The following GNPNAT1 variants were observed in gnomAD, a reference collection of about 807,000 sequenced individuals.
The protein encoded by GNPNAT1 is glucosamine 6-phosphate N-acetyltransferase.
In GNPNAT1, 11 loss-of-function variants were observed where a neutral mutation model predicts 19.8. That is an observed-to-expected ratio of 0.56 (90% CI 0.35 to 0.92). The LOEUF (loss-of-function observed/expected upper bound fraction) is 0.92, where lower values mean the gene tolerates loss of function less well. Ranked by LOEUF, GNPNAT1 falls within the 40% of genes least tolerant of loss-of-function variation. The pLI is 0.01. For missense variants in GNPNAT1, 157 were observed against 211.0 expected, an observed-to-expected ratio of 0.74 and a Z score of 1.59; for synonymous variants, 71 against 72.3, an observed-to-expected ratio of 0.98 and a Z score of 0.09.
chr14:52,786,376 C>T (rs2139971567), intron 1 of GNPNAT1, among the ~76,000 whole-genome samples: 1 of 151,844 alleles, frequency 6.6e-6, no homozygotes, highest in Middle Eastern at 3.4e-3. Flanking sequence ...TGGTGGTGGC[C>T]ACCTGTAATC....
intron 1 of GNPNAT1, among the ~76,000 whole-genome samples, chr14:52,787,279 AC>A (rs1883045238): frequency 6.6e-6 from 1 of 152,104 alleles, no homozygotes; most frequent in South Asian, 2.1e-4. Flanking sequence ...AATATTCTTA[AC>A]TTTTCCTTAA....
In GNPNAT1 at chr14:52,778,461, G is replaced by C; in HGVS notation, c.408-3C>G. On this transcript the variant is annotated splice_polypyrimidine_tract_variant and splice_region_variant and intron_variant, in intron 5 of 5. Coordinates refer to ENST00000216410, the MANE Select transcript of GNPNAT1 (RefSeq NM_198066.4). ...GCAAAGTAAGGGTTGATAATAACCT[G>C]AAATTTAAAAAGGGGGTAGGGTGAG... 6.2e-7 allele frequency: 1 copy of C among 1,600,724 alleles called. No homozygotes were observed. The highest frequency in any genetic ancestry group is 8.5e-7 in the Non-Finnish European group (1 of 1,175,474).
At chr14:52,781,508 GT>G (rs897953093) in intron 4 of GNPNAT1, among the ~76,000 whole-genome samples, 1 of 151,816 alleles carries the variant, frequency 6.6e-6, no homozygotes, top group Non-Finnish European at 1.5e-5. Flanking sequence ...ATTCAGAGTT[GT>G]TTTTTTTAAA....
chr14:52,780,865 T>A, intron 4 of GNPNAT1, 125 bp from the exon 5 acceptor site: 7 of 600,510 alleles, frequency 1.2e-5, no homozygotes, highest in African/African-American at 3.7e-5. Context: ...AGAAATCAAA[T>A]GCAAAAAATA....
rs1264405718 is a variant in GNPNAT1, at chr14:52,777,062, A to T, written c.*1249T>A. The T allele has an allele frequency of 6.6e-6, 1 of 152,256 alleles. No individual in the cohort carries two copies. The highest frequency in any genetic ancestry group is 1.9e-4 in the East Asian group (1 of 5,196). The allele number at this position is 152,256 out of a possible 1,614,324, so 9.4% of individuals were successfully genotyped here. Reference sequence around the variant, plus strand: ...GGATTTCTGTTGTTTTGGAAAGCCAACTATAGCTGGCTGCATGGAGGGAAA... The same window carrying T: ...GGATTTCTGTTGTTTTGGAAAGCCATCTATAGCTGGCTGCATGGAGGGAAA... On this transcript the variant is annotated 3_prime_UTR_variant, in exon 6 of 6. Coordinates refer to ENST00000216410, the MANE Select transcript of GNPNAT1 (RefSeq NM_198066.4).
chr14:52,785,072 C>G (rs944207209), intron 1 of GNPNAT1, among the ~76,000 whole-genome samples: 2 of 151,730 alleles, frequency 1.3e-5, no homozygotes, highest in Non-Finnish European at 2.9e-5. Flanking sequence ...ATTATAGGCA[C>G]GTGACACCAC....
chr14:52,781,366 CTTTT>C (rs1555361341), intron 4 of GNPNAT1, among the ~76,000 whole-genome samples: 1 of 152,010 alleles, frequency 6.6e-6, no homozygotes, highest in Non-Finnish European at 1.5e-5. Flanking sequence ...TTCTCTCCCT[CTTTT>C]TTTATTTACT....
At chr14:52,788,919 A>G (rs1055804659) in intron 1 of GNPNAT1, among the ~76,000 whole-genome samples, 2 of 152,244 alleles carry the variant, frequency 1.3e-5, no homozygotes, top group African/African-American at 4.8e-5. Flanking sequence ...CTTTTCTTTG[A>G]TGAGACAGTC....
rs961981989 is a variant in GNPNAT1 at position 52,791,223 on chromosome 14, C to T, written c.-15+205G>A. ...TCATCCTTAACCTCTGCTCCAGGCGCGCGTGCGTTCAACTTCCTGGGAACC... is the reference window on the plus strand; with the variant it reads ...TCATCCTTAACCTCTGCTCCAGGCGTGCGTGCGTTCAACTTCCTGGGAACC... On this transcript the variant is annotated intron_variant, in intron 1 of 5. Transcript: ENST00000216410. This position sits in a 1 kb window ranked among gnomAD's most constrained non-coding sequence, Gnocchi z 4.1. Among the ~76,000 whole-genome samples, 3 of 152,168 alleles carry T rather than the reference C, an allele frequency of 2.0e-5. No individual in the cohort carries two copies. The highest frequency in any genetic ancestry group is 4.8e-5 in the African/African-American group (2 of 41,444).
intron 1 of GNPNAT1, among the ~76,000 whole-genome samples, chr14:52,786,857 ATTTTTTTTTTTTTTTTTT>A (rs567085170): frequency 4.8e-4 from 47 of 98,696 alleles, no homozygotes; most frequent in Admixed American, 4.9e-4. Context: ...CAGGTTTTGG[ATTTTTTTTTTTTTTTTTT>A]TTTTTTTTTT....
chr14:52,789,599 A>G (rs1461207026), intron 1 of GNPNAT1, among the ~76,000 whole-genome samples: 1 of 152,176 alleles, frequency 6.6e-6, no homozygotes, highest in African/African-American at 2.4e-5. Flanking sequence ...CTGGTGCCCA[A>G]CTAAGGTACT....
At chr14:52,790,275 C>T (rs1883139518) in intron 1 of GNPNAT1, among the ~76,000 whole-genome samples, 1 of 152,130 alleles carries the variant, frequency 6.6e-6, no homozygotes, top group African/African-American at 2.4e-5. Flanking sequence ...CAATCTAAGG[C>T]CAAATCTAAA....
At chr14:52,778,860 T>C (rs939584583) in intron 5 of GNPNAT1, among the ~76,000 whole-genome samples, 3 of 151,848 alleles carry the variant, frequency 2.0e-5, no homozygotes, top group African/African-American at 7.3e-5. Context: ...CTACAAAATA[T>C]AAAAATTAGT....
chr14:52,780,965 T>C (rs1232475553), intron 4 of GNPNAT1, among the ~76,000 whole-genome samples: 2 of 152,162 alleles, frequency 1.3e-5, no homozygotes, highest in Non-Finnish European at 2.9e-5. Context: ...AACATTTCCT[T>C]TGTTTTTAAA....
intron 2 of GNPNAT1, among the ~76,000 whole-genome samples, chr14:52,783,802 GATTTTCCCAA>G (rs1882949282): frequency 6.6e-6 from 1 of 152,118 alleles, no homozygotes; most frequent in Admixed American, 6.5e-5. Context: ...AAGGGTGCCA[GATTTTCCCAA>G]ATATGTGATT....
At chr14:52,790,575 C>G (rs1273153812) in intron 1 of GNPNAT1, among the ~76,000 whole-genome samples, 1 of 152,156 alleles carries the variant, frequency 6.6e-6, no homozygotes, top group African/African-American at 2.4e-5. Flanking sequence ...CAAGACTTGC[C>G]CCTTAGGTAA....
intron 3 of GNPNAT1, among the ~76,000 whole-genome samples, chr14:52,783,148 A>G (rs1882932643): frequency 6.6e-6 from 1 of 152,114 alleles, no homozygotes; most frequent in Non-Finnish European, 1.5e-5. Context: ...AAATACTACA[A>G]TAAAAAAACG....
intron 4 of GNPNAT1, 73 bp from the exon 5 acceptor site, chr14:52,780,813 T>A (rs1882876811): frequency 1.1e-6 from 1 of 871,546 alleles, no homozygotes; most frequent in Non-Finnish European, 1.9e-6. Context: ...TGGTAAGAAT[T>A]TACTGATAAT....
intron 1 of GNPNAT1, among the ~76,000 whole-genome samples, chr14:52,784,868 A>T (rs184881312): frequency 1.0e-3 from 154 of 152,174 alleles, no homozygotes; most frequent in Non-Finnish European, 4.7e-4. Flanking sequence ...AGATAAAAAA[A>T]TGGCTAAGTG....
Sources: allele counts gnomAD v4.1 joint callset (sites outside exome capture counted in the v4.1 genomes callset), GRCh38; gene constraint gnomAD v4.1.1; non-coding constraint Gnocchi (gnomAD v3.1); transcripts MANE v1.5; gene names NCBI Gene and HGNC (gene_info 2026-07-23, HGNC 2026-07-21).